Variants in FSTL5 observed in about 807,000 individuals in gnomAD.
FSTL5 encodes the protein follistatin-related protein 5.
FSTL5 carries 62 observed loss-of-function variants against 89.1 expected under a neutral mutation model. The ratio of observed to expected loss-of-function variants is 0.70; its 90% CI spans 0.57 to 0.86. FSTL5 has a LOEUF of 0.86. Among genes scored for constraint, FSTL5 ranks in the 40% least tolerant of loss-of-function variants. The pLI is 0.00. For synonymous variants in FSTL5, 383 were observed against 346.2 expected (o/e 1.11, Z -1.18); for missense variants, 1,057 against 1,001.6 (o/e 1.06, Z -0.75).
intron 7 of FSTL5, among the ~76,000 whole-genome samples, chr4:161,644,243 A>G (rs1736064562): frequency 6.6e-6 from 1 of 151,944 alleles, no homozygotes; most frequent in Non-Finnish European, 1.5e-5. Flanking sequence ...AACAGTAGTA[A>G]TGGTTGGGTA....
rs368012259 is a variant in FSTL5 at position 161,483,542 on chromosome 4, A to T, written c.1459-2373T>A. 3.9e-5 allele frequency among the ~76,000 whole-genome samples: 6 copies of T among 152,308 alleles called. No individual in the cohort carries two copies. The East Asian group carries it at 1.2e-3, about 29-fold the overall frequency. On this transcript the variant is annotated intron_variant, in intron 12 of 15. Coordinates refer to ENST00000306100, the MANE Select transcript of FSTL5 (RefSeq NM_020116.5). ...ATAAGACATCCTTGACCAGACTTACAAGCATTTTTACAAAGCCATTAAAAG... is the reference window on the plus strand; with the variant it reads ...ATAAGACATCCTTGACCAGACTTACTAGCATTTTTACAAAGCCATTAAAAG...
At chr4:161,608,008 C>A (rs903813438) in intron 7 of FSTL5, among the ~76,000 whole-genome samples, 7 of 151,994 alleles carry the variant, frequency 4.6e-5, no homozygotes, top group African/African-American at 1.2e-4. Flanking sequence ...AAAATAAATA[C>A]TTGGATCTGA....
intron 8 of FSTL5, among the ~76,000 whole-genome samples, chr4:161,569,663 T>G (rs1368700123): frequency 6.6e-6 from 1 of 151,882 alleles, no homozygotes; most frequent in Non-Finnish European, 1.5e-5. Flanking sequence ...GAAGAAAGAC[T>G]GATTATGCTG....
intron 6 of FSTL5, among the ~76,000 whole-genome samples, chr4:161,706,767 T>G (rs924012711): frequency 6.6e-6 from 1 of 152,050 alleles, no homozygotes; most frequent in African/African-American, 2.4e-5. Context: ...TTATCACTAC[T>G]TAAAAGAGAA....
At chr4:161,481,552 C>T (rs1324070347) in intron 12 of FSTL5, among the ~76,000 whole-genome samples, 4 of 152,124 alleles carry the variant, frequency 2.6e-5, no homozygotes, top group Non-Finnish European at 5.9e-5. Context: ...TTTTACACAA[C>T]ATTGGTGGCT....
chr4:161,572,318 TAAAAAAAAA>T (rs755306574), intron 8 of FSTL5, among the ~76,000 whole-genome samples: 4,394 of 64,068 alleles, frequency 0.069, 160 homozygotes, highest in East Asian at 0.32. Flanking sequence ...AGACTCCGTC[TAAAAAAAAA>T]AAAAAAAAAA....
intron 3 of FSTL5, among the ~76,000 whole-genome samples, chr4:162,024,601 G>A (rs908318673): frequency 1.3e-5 from 2 of 151,898 alleles, no homozygotes; most frequent in Non-Finnish European, 2.9e-5. Context: ...TTTAAATTAA[G>A]TAATTAAGTT....
intron 6 of FSTL5, among the ~76,000 whole-genome samples, chr4:161,685,829 T>C (rs1317716680): frequency 6.6e-6 from 1 of 152,186 alleles, no homozygotes; most frequent in Non-Finnish European, 1.5e-5. Flanking sequence ...GGCATCCTTA[T>C]GTTGTTCCAG....
rs1738561424 is a variant in FSTL5 at position 161,705,972 on chromosome 4, A to ACCCACCCT, written c.728-49479_728-49478insAGGGTGGG. ...TGTGTGTATATATATATATATATAT[A>ACCCACCCT]TATATATATATATATATATATATAC... On this transcript the variant is annotated intron_variant, in intron 6 of 15. Transcript: ENST00000306100. Among the ~76,000 whole-genome samples, 2 of 78,946 alleles carry ACCCACCCT rather than the reference A, an allele frequency of 2.5e-5. 1 individual carries two copies. Among genetic ancestry groups the ACCCACCCT allele is most frequent in the Non-Finnish European group, 4.8e-5 (2 of 41,392 alleles). The allele number at this position is 78,946 out of a possible 152,430, so 51.8% of individuals were successfully genotyped here. A position where few individuals can be genotyped will look rare whatever the true frequency, so the allele number is the denominator to read the frequency against.
At chr4:161,968,764 T>C (rs535181216) in intron 3 of FSTL5, among the ~76,000 whole-genome samples, 1 of 152,130 alleles carries the variant, frequency 6.6e-6, no homozygotes, top group Non-Finnish European at 1.5e-5. Flanking sequence ...GCAAACATCT[T>C]GATTATTCAA....
chr4:162,151,371 A>G (rs1178352920), intron 1 of FSTL5, among the ~76,000 whole-genome samples: 2 of 151,978 alleles, frequency 1.3e-5, no homozygotes, highest in African/African-American at 4.8e-5. Flanking sequence ...AACTCAAAAC[A>G]TTACTGTCTG....
chr4:161,467,783 A>G (rs1733796328), intron 13 of FSTL5, among the ~76,000 whole-genome samples: 1 of 152,164 alleles, frequency 6.6e-6, no homozygotes, highest in African/African-American at 2.4e-5. Flanking sequence ...CATTATCTAA[A>G]GAGGCGCACA....
At chr4:161,708,531 A>G (rs1738665669) in intron 6 of FSTL5, among the ~76,000 whole-genome samples, 1 of 152,118 alleles carries the variant, frequency 6.6e-6, no homozygotes, top group Admixed American at 6.6e-5. Context: ...GTTCCCCTTA[A>G]AGCATATTTC....
At chr4:161,555,625 T>C (rs1465324440) in intron 8 of FSTL5, among the ~76,000 whole-genome samples, 1 of 151,596 alleles carries the variant, frequency 6.6e-6, no homozygotes, top group Non-Finnish European at 1.5e-5. Context: ...CTTTCTGCTA[T>C]GCTGTAAGGG....
chr4:161,658,295 C>G (rs1415236218), intron 6 of FSTL5, among the ~76,000 whole-genome samples: 2 of 151,636 alleles, frequency 1.3e-5, no homozygotes, highest in Non-Finnish European at 2.9e-5. Flanking sequence ...CCCATCTCTA[C>G]TAAAAATAGA....
At chr4:161,751,481 T>G (rs1405450310) in intron 6 of FSTL5, among the ~76,000 whole-genome samples, 1 of 152,150 alleles carries the variant, frequency 6.6e-6, no homozygotes, top group African/African-American at 2.4e-5. Flanking sequence ...AGCTATGAAC[T>G]CTAACATAAA....
At chr4:161,478,586 T>A (rs927701181) in intron 13 of FSTL5, among the ~76,000 whole-genome samples, 5 of 148,898 alleles carry the variant, frequency 3.4e-5, no homozygotes, top group African/African-American at 1.2e-4. Context: ...ACAGCAAAAT[T>A]GTCAAAATCA....
chr4:161,387,604 T>C (rs1578934789), intron 15 of FSTL5: 1 of 151,998 alleles, frequency 6.6e-6, no homozygotes, highest in African/African-American at 2.4e-5. Context: ...GTAATATCTC[T>C]TTAAAATTTT....
At chr4:161,882,626 C>T (rs1732669412) in intron 4 of FSTL5, among the ~76,000 whole-genome samples, 1 of 152,056 alleles carries the variant, frequency 6.6e-6, no homozygotes, top group African/African-American at 2.4e-5. Context: ...AAAATAAAAA[C>T]TTCAAAGGAT....
Sources: allele counts gnomAD v4.1 joint callset (sites outside exome capture counted in the v4.1 genomes callset), GRCh38; gene constraint gnomAD v4.1.1; transcripts MANE v1.5; gene names NCBI Gene and HGNC (gene_info 2026-07-23, HGNC 2026-07-21).